The following CYP4X1 variants were observed in gnomAD, a reference collection of about 807,000 sequenced individuals.
CYP4X1 encodes the protein cytochrome P450 4X1.
A neutral mutation model predicts 57.9 loss-of-function variants in CYP4X1; 44 were observed. The observed-to-expected ratio is 0.76, with a 90% confidence interval of 0.60 to 0.98. The LOEUF is 0.98. Ranked by LOEUF, CYP4X1 falls within the 50% of genes least tolerant of loss-of-function variation. The pLI is 0.00. For missense variants in CYP4X1, 532 were observed against 623.9 expected (o/e 0.85, Z 1.57); for synonymous variants, 227 against 228.6 (o/e 0.99, Z 0.06).
chr1:47,039,613 C>T (rs1469837777), intron 8 of CYP4X1, 81 bp downstream of exon 8: 3 of 1,140,806 alleles, frequency 2.6e-6, no homozygotes, highest in African/African-American at 3.2e-5. Flanking sequence ...ACCTTAGTGA[C>T]CCTAGTGCCT....
In CYP4X1 at chr1:47,036,072, CG is replaced by C. The variant is rs1557605752; in HGVS notation, c.677del (p.Arg226ProfsTer11). 2.2e-5 allele frequency: 36 copies of C among 1,613,706 alleles called. No homozygotes were observed. Among genetic ancestry groups the C allele is most frequent in the Non-Finnish European group, 3.0e-5 (35 of 1,179,786 alleles). ...IFELSKIIFH[R>X]LYSLLYHSDI... ...TGAACTCAGCAAAATCATATTTCACCGCTTGTACAGTTTGTTGTATCACAGT... is the reference window on the plus strand; with the variant it reads ...TGAACTCAGCAAAATCATATTTCACCCTTGTACAGTTTGTTGTATCACAGT... On this transcript the variant is annotated frameshift_variant, in exon 6 of 12. Transcript: ENST00000371901. LOFTEE classifies it high-confidence loss of function.
the CYP4X1 span, among the ~76,000 whole-genome samples, chr1:46,998,218 CA>C: frequency 6.6e-6 from 1 of 152,018 alleles, no homozygotes; most frequent in Non-Finnish European, 1.5e-5. Context: ...CCAGGTCACC[CA>C]GACTGGAGTG....
At chr1:47,055,290 G>C (rs1247875555), downstream of CYP4X1, among the ~76,000 whole-genome samples, 1 of 152,186 alleles carries the variant, frequency 6.6e-6, no homozygotes, top group Non-Finnish European at 1.5e-5. Context: ...TGGTGGATAA[G>C]CTTTTTGATA....
chr1:47,009,136 C>T, the CYP4X1 span, among the ~76,000 whole-genome samples: 5 of 152,208 alleles, frequency 3.3e-5, no homozygotes, highest in African/African-American at 4.8e-5. Context: ...CACCACACCA[C>T]ACCTATTCCA....
At chr1:46,972,116 A>G in the CYP4X1 span, among the ~76,000 whole-genome samples, 3 of 152,196 alleles carry the variant, frequency 2.0e-5, no homozygotes, top group Admixed American at 6.5e-5. Flanking sequence ...AGTTTTGTAT[A>G]TGATGAAAAA....
the CYP4X1 span, among the ~76,000 whole-genome samples, chr1:46,979,844 A>C: frequency 6.6e-6 from 1 of 152,216 alleles, no homozygotes; most frequent in Non-Finnish European, 1.5e-5. Context: ...AATAAACTTA[A>C]TCCATCACAT....
the CYP4X1 span, among the ~76,000 whole-genome samples, chr1:46,966,934 T>A: frequency 1.3e-5 from 2 of 152,220 alleles, no homozygotes; most frequent in African/African-American, 2.4e-5. Context: ...TCATAGTTTT[T>A]ACTGGCAGAT....
the CYP4X1 span, among the ~76,000 whole-genome samples, chr1:47,011,555 A>G: frequency 2.0e-5 from 3 of 152,226 alleles, no homozygotes; most frequent in Non-Finnish European, 2.9e-5. Flanking sequence ...AAAATTGACA[A>G]ATGTGATCTA....
At chr1:46,976,328 T>G in the CYP4X1 span, among the ~76,000 whole-genome samples, 1 of 152,172 alleles carries the variant, frequency 6.6e-6, no homozygotes, top group Admixed American at 6.5e-5. Flanking sequence ...CCCATGCCCA[T>G]GGAGCCTTGC....
At chr1:46,962,046 C>T in the CYP4X1 span, among the ~76,000 whole-genome samples, 3 of 152,164 alleles carry the variant, frequency 2.0e-5, no homozygotes, top group Admixed American at 6.5e-5. Context: ...GATTAAGACA[C>T]ATTTTGGTCC....
At chr1:46,998,470 C>T in the CYP4X1 span, among the ~76,000 whole-genome samples, 2 of 152,114 alleles carry the variant, frequency 1.3e-5, no homozygotes, top group African/African-American at 4.8e-5. Flanking sequence ...CCTATAGATT[C>T]TAAAAATTAG....
At chr1:47,033,129 T>G in intron 3 of CYP4X1, 112 bp from the exon 4 acceptor site, 4 of 1,177,690 alleles carry the variant, frequency 3.4e-6, no homozygotes, top group Non-Finnish European at 4.8e-6. Context: ...GATACTCCAC[T>G]GTTGCATGAC....
chr1:47,011,993 C>G, the CYP4X1 span, among the ~76,000 whole-genome samples: 2 of 152,186 alleles, frequency 1.3e-5, no homozygotes, highest in African/African-American at 4.8e-5. Context: ...TTGTGGAAGA[C>G]AGTGTGGCGA....
upstream of CYP4X1, among the ~76,000 whole-genome samples, chr1:47,023,119 A>G (rs74073804): frequency 0.052 from 7,954 of 152,322 alleles, 236 homozygotes; most frequent in East Asian, 0.13. Context: ...AATTGTTAAT[A>G]AAGTTTTTAT....
chr1:47,047,388 G>A (rs1003350652), intron 9 of CYP4X1, among the ~76,000 whole-genome samples: 1 of 152,210 alleles, frequency 6.6e-6, no homozygotes, highest in African/African-American at 2.4e-5. Flanking sequence ...GCCTGTTACT[G>A]TAACTTTGCT....
chr1:46,987,279 T>C, the CYP4X1 span, among the ~76,000 whole-genome samples: 50 of 152,150 alleles, frequency 3.3e-4, no homozygotes, highest in East Asian at 6.4e-3. Flanking sequence ...GATCAAAAGA[T>C]ACAAAGAAAG....
rs964369643 is a variant in CYP4X1, at chr1:47,050,251, G to A, written c.*77G>A. The stretch of plus-strand genomic sequence containing the variant: ...AGCTAATGATCCAAGCAGATAGAAA[G>A]GGATCAATGTATGGTGGGAGGATTG... On this transcript the variant is annotated 3_prime_UTR_variant, in exon 12 of 12. Coordinates refer to ENST00000371901, the MANE Select transcript of CYP4X1 (RefSeq NM_178033.2). 2.0e-6 allele frequency: 3 copies of A among 1,523,478 alleles called. No individual in the cohort carries two copies. The African/African-American group carries it at 4.1e-5, about 21-fold the overall frequency. 94.4% of individuals were successfully genotyped at this position (1,523,478 alleles called of 1,614,324 possible). A position where few individuals can be genotyped will look rare whatever the true frequency, so the allele number is the denominator to read the frequency against.
At chr1:46,983,635 G>T in the CYP4X1 span, among the ~76,000 whole-genome samples, 1 of 152,152 alleles carries the variant, frequency 6.6e-6, no homozygotes, top group Admixed American at 6.5e-5. Context: ...GGACGTGCAT[G>T]GAAAACAGTC....
the CYP4X1 span, among the ~76,000 whole-genome samples, chr1:46,976,655 C>T: frequency 6.6e-6 from 1 of 152,150 alleles, no homozygotes; most frequent in Non-Finnish European, 1.5e-5. Flanking sequence ...TCAAGTGGGT[C>T]CCTGACCCCA....
Sources: allele counts gnomAD v4.1 joint callset (sites outside exome capture counted in the v4.1 genomes callset), GRCh38; gene constraint gnomAD v4.1.1; transcripts MANE v1.5; gene names NCBI Gene and HGNC (gene_info 2026-07-23, HGNC 2026-07-21).